Variants in NDC80 observed in about 807,000 individuals in gnomAD.
The protein encoded by NDC80 is kinetochore protein NDC80 homolog.
NDC80 carries 69 observed loss-of-function variants against 89.3 expected under a neutral mutation model. That is an observed-to-expected ratio of 0.77 (90% CI 0.64 to 0.94). The LOEUF is 0.94. NDC80 is among the 40% of genes least tolerant of loss of function. NDC80 has a pLI of 0.00. For synonymous variants in NDC80, 243 were observed against 255.6 expected (o/e 0.95, Z 0.47); for missense variants, 593 against 739.6 (o/e 0.80, Z 2.30).
At chr18:2,601,372 C>A (rs748232062) in intron 12 of NDC80, 24 bp from the exon 13 acceptor site, 12 of 1,179,046 alleles carry the variant, frequency 1.0e-5, no homozygotes, top group Non-Finnish European at 1.2e-5. Flanking sequence ...TTATATGTCA[C>A]CCACATTCCT....
rs1309378597 is a variant in NDC80 at position 2,596,514 on chromosome 18, A to C, written c.1221+893A>C. ...CCAGTTAGAATGACAGTCATTAAAA[A>C]GTCAGGAAACAACAGGTGCTGGAGA... is the stretch of plus-strand genomic sequence containing the variant. On this transcript the variant is annotated intron_variant, in intron 11 of 16. Transcript: ENST00000261597. 9.7e-3 allele frequency among the ~76,000 whole-genome samples: 1,452 copies of C among 150,056 alleles called. 9 individuals are homozygous for C. Among genetic ancestry groups the C allele is most frequent in the Non-Finnish European group, 0.015 (982 of 67,492 alleles).
At chr18:2,581,539 G>A (rs954436021) in intron 6 of NDC80, among the ~76,000 whole-genome samples, 1 of 152,028 alleles carries the variant, frequency 6.6e-6, no homozygotes, top group Non-Finnish European at 1.5e-5. Context: ...GGTGCATGCC[G>A]TCCCGGCTAC....
intron 10 of NDC80, among the ~76,000 whole-genome samples, chr18:2,590,471 C>G (rs946077542): frequency 6.6e-6 from 1 of 152,178 alleles, no homozygotes; most frequent in African/African-American, 2.4e-5. Context: ...TGGCTGGCAG[C>G]ATTACTGGGC....
chr18:2,596,500 G>T (rs2072657353), intron 11 of NDC80, among the ~76,000 whole-genome samples: 1 of 150,448 alleles, frequency 6.6e-6, no homozygotes. Context: ...CAGTTAGAAT[G>T]ACAGTCATTA....
rs60324126 is a variant in NDC80, at chr18:2,605,274, A to ATGTGTGTGTG, written c.1465-1095_1465-1086dup. ...AATTGGAGTCGGGCGGGCTATATGTATGTGTGTGTGTGTGTGTGTGTGTGT... is the reference window on the plus strand; with the variant it reads ...AATTGGAGTCGGGCGGGCTATATGTATGTGTGTGTGTGTGTGTGTGTGTGTGTGTGTGTGT... On this transcript the variant is annotated intron_variant, in intron 13 of 16. Coordinates refer to ENST00000261597, the MANE Select transcript of NDC80 (RefSeq NM_006101.3). 5.2e-3 allele frequency among the ~76,000 whole-genome samples: 662 copies of ATGTGTGTGTG among 127,232 alleles called. 4 individuals are homozygous for ATGTGTGTGTG. Among genetic ancestry groups the ATGTGTGTGTG allele is most frequent in the Non-Finnish European group, 6.6e-3 (404 of 61,380 alleles). The allele number at this position is 127,232 out of a possible 152,430, so 83.5% of individuals were successfully genotyped here.
rs140765348 is a variant in NDC80 at position 2,577,450 on chromosome 18, C to T, written c.180-296C>T. 0.011 allele frequency: 2,567 copies of T among 243,864 alleles called. 99 individuals carry two copies. In the East Asian group the frequency reaches 0.12, roughly 11 times the overall value. The allele number at this position is 243,864 out of a possible 1,614,324, so 15.1% of individuals were successfully genotyped here. On this transcript the variant is annotated intron_variant, in intron 3 of 16. Coordinates refer to ENST00000261597, the MANE Select transcript of NDC80 (RefSeq NM_006101.3). The stretch of plus-strand genomic sequence containing the variant: ...CAGGCTGGTCTTGAACTCCTGACCT[C>T]GTGATCCACCGCCTCAGCCTCCCAA...
chr18:2,582,319 C>T (rs985721268), intron 6 of NDC80: 3 of 152,156 alleles, frequency 2.0e-5, no homozygotes, highest in Non-Finnish European at 4.4e-5. Flanking sequence ...TAAGGTGATC[C>T]ACCTGCCTCA....
chr18:2,613,422 A>G (rs958267698), intron 16 of NDC80, among the ~76,000 whole-genome samples: 1 of 152,232 alleles, frequency 6.6e-6, no homozygotes, highest in Non-Finnish European at 1.5e-5. Flanking sequence ...AGCACATTGT[A>G]GTATTGATGC....
chr18:2,606,612 A>G (rs2072713228), intron 14 of NDC80, 105 bp downstream of exon 14: 1 of 572,282 alleles, frequency 1.7e-6, no homozygotes, highest in South Asian at 3.9e-5. Flanking sequence ...AGCTATATAT[A>G]TCCTATAATT....
rs957852933 is a variant in NDC80, at chr18:2,598,961, GA to G, written c.1222-51del. On this transcript the variant is annotated intron_variant, in intron 11 of 16. Transcript: ENST00000261597. ...GTATAAAATTTTAGAAATGTCAATT[GA>G]AAAAAACATATGGAATGGGGCTGCT... 3.5e-4 allele frequency: 503 copies of G among 1,421,578 alleles called. 2 individuals are homozygous for G. Among genetic ancestry groups the G allele is most frequent in the Middle Eastern group, 2.2e-3 (9 of 4,134 alleles). The allele number at this position is 1,421,578 out of a possible 1,614,324, so 88.1% of individuals were successfully genotyped here. A position where few individuals can be genotyped will look rare whatever the true frequency, so the allele number is the denominator to read the frequency against.
chr18:2,599,692 C>T (rs2072674774), intron 12 of NDC80, among the ~76,000 whole-genome samples: 1 of 151,998 alleles, frequency 6.6e-6, no homozygotes, highest in South Asian at 2.1e-4. Flanking sequence ...TAAAATATGG[C>T]CAAGGAAGTA....
intron 13 of NDC80, among the ~76,000 whole-genome samples, chr18:2,603,356 CATATATATATAT>C (rs60997707): frequency 5.0e-5 from 6 of 120,800 alleles, no homozygotes; most frequent in Admixed American, 4.0e-4. Flanking sequence ...TATGTTTATA[CATATATATATAT>C]ATATATATAT....
In NDC80 at chr18:2,616,534, A is replaced by T; in HGVS notation, c.1889A>T (p.Tyr630Phe). ...SENIKEIRDK[Y>F]EKKATLIKSS... ...AATATTAAAGAGATTAGAGATAAGTATGAGAAGAAAGCTACTCTAATTAAG... is the reference window on the plus strand; with the variant it reads ...AATATTAAAGAGATTAGAGATAAGTTTGAGAAGAAAGCTACTCTAATTAAG... The change falls in exon 17 of 17, where the codon TAT (tyrosine) becomes TTT (phenylalanine). Residue 630 changes from tyrosine to phenylalanine, a missense_variant. By Grantham distance (22) the Tyr-to-Phe change is conservative. Coordinates refer to ENST00000261597, the MANE Select transcript of NDC80 (RefSeq NM_006101.3). 6.8e-7 allele frequency: 1 copy of T among 1,479,608 alleles called. No individual in the cohort carries two copies. The highest frequency in any genetic ancestry group is 9.2e-7 in the Non-Finnish European group (1 of 1,090,638). 91.7% of individuals were successfully genotyped at this position (1,479,608 alleles called of 1,614,324 possible). A position where few individuals can be genotyped will look rare whatever the true frequency, so the allele number is the denominator to read the frequency against.
chr18:2,615,533 G>T lies in NDC80; in HGVS notation c.1792-904G>T, dbSNP rs2072780170. The stretch of plus-strand genomic sequence containing the variant: ...CTAAGGACCCACCTGGATAGTGCAG[G>T]ATAATCTCCTTTTCTCAAGATCCTT... On this transcript the variant is annotated intron_variant, in intron 16 of 16. Coordinates refer to ENST00000261597, the MANE Select transcript of NDC80 (RefSeq NM_006101.3). 2.0e-5 allele frequency among the ~76,000 whole-genome samples: 3 copies of T among 152,140 alleles called. No individual in the cohort carries two copies. In the South Asian group the frequency reaches 6.2e-4, roughly 31 times the overall value.
intron 3 of NDC80, among the ~76,000 whole-genome samples, chr18:2,576,138 A>C (rs568706064): frequency 6.6e-6 from 1 of 152,304 alleles, no homozygotes; most frequent in South Asian, 2.1e-4. Context: ...TATCTAGTCC[A>C]ACATTTTAGT....
At chr18:2,593,190 G>T (rs1243410289) in intron 10 of NDC80, among the ~76,000 whole-genome samples, 1 of 151,806 alleles carries the variant, frequency 6.6e-6, no homozygotes, top group Non-Finnish European at 1.5e-5. Context: ...AAGTAGCTGG[G>T]ACCACAGATG....
chr18:2,576,065 C>T (rs1490359757), intron 3 of NDC80, among the ~76,000 whole-genome samples: 1 of 152,172 alleles, frequency 6.6e-6, no homozygotes, highest in Non-Finnish European at 1.5e-5. Flanking sequence ...CACCACTGCA[C>T]TCCAGCCTAG....
At chr18:2,589,121 G>A in intron 8 of NDC80, 83 bp from the exon 9 acceptor site, 1 of 850,712 alleles carries the variant, frequency 1.2e-6, no homozygotes, top group Non-Finnish European at 2.0e-6. Flanking sequence ...AAGGAAGTGA[G>A]GGAGGGAGTA....
intron 7 of NDC80, among the ~76,000 whole-genome samples, chr18:2,586,483 A>C (rs577774870): frequency 7.2e-5 from 11 of 152,300 alleles, no homozygotes; most frequent in Admixed American, 3.9e-4. Flanking sequence ...TAATTCTAGC[A>C]CTTTGGGAGG....
Sources: gnomAD v4.1 joint callset for allele counts (sites outside exome capture counted in the v4.1 genomes callset) on GRCh38, gnomAD v4.1.1 for gene constraint, MANE v1.5 for transcripts, NCBI Gene and HGNC (gene_info 2026-07-23, HGNC 2026-07-21) for gene names.